MAP3K6: variants seen among roughly 807,000 people sequenced by gnomAD.
MAP3K6 encodes mitogen-activated protein kinase kinase kinase 6, also known as apoptosis signal-regulating kinase 2.
MAP3K6 carries 105 observed loss-of-function variants against 147.1 expected under a neutral mutation model. The observed-to-expected ratio is 0.71, with a 90% CI of 0.61 to 0.84. The LOEUF is 0.84. Ranked by LOEUF, MAP3K6 falls within the 40% of genes least tolerant of loss-of-function variation. The pLI, the probability that MAP3K6 is intolerant of heterozygous loss-of-function variation, is 0.00. For synonymous variants in MAP3K6, 695 were observed against 732.4 expected, an observed-to-expected ratio of 0.95 and a Z score of 0.82; for missense variants, 1,569 against 1,715.0, an observed-to-expected ratio of 0.91 and a Z score of 1.50.
chr1:27,357,230 GTCC>G (rs2015562138), intron 23 of MAP3K6, 116 bp from the exon 24 acceptor site: 10 of 1,264,444 alleles, frequency 7.9e-6, no homozygotes, highest in Middle Eastern at 3.9e-4. Flanking sequence ...CGGGCTTGAG[GTCC>G]AGGGAAGGCC....
At chr1:27,363,591 GC>G in intron 5 of MAP3K6, 43 bp from the exon 6 acceptor site, 1 of 1,481,654 alleles carries the variant, frequency 6.7e-7, no homozygotes, top group Non-Finnish European at 9.2e-7. Context: ...GGGCCTCCAG[GC>G]CCCAAGGAAC....
chr1:27,357,265 A>G, intron 23 of MAP3K6, 135 bp downstream of exon 23: 1 of 1,341,710 alleles, frequency 7.5e-7, no homozygotes, highest in Non-Finnish European at 1.0e-6. Flanking sequence ...GACTGGGCAG[A>G]CGGTTTTTTG....
chr1:27,362,938 A>T lies in MAP3K6; in HGVS notation c.1055T>A (p.Leu352Gln). Residue 352 changes from leucine (L) to glutamine (Q), a missense_variant, in exon 7 of 29, where the codon CTG becomes CAG. Physicochemically the swap from Leu to Gln is moderately radical, Grantham distance 113. Coordinates refer to ENST00000357582, the MANE Select transcript of MAP3K6 (RefSeq NM_004672.5). ...VQLEGSVAPD[L>Q]YCMCGRIYKD... Reference sequence around the variant, plus strand: ...GTAGATACGGCCACACATGCAGTACAGATCGGGCGCCACAGAGCCCTCAAG... The same window carrying T: ...GTAGATACGGCCACACATGCAGTACTGATCGGGCGCCACAGAGCCCTCAAG... 6.2e-7 allele frequency: 1 copy of T among 1,614,110 alleles called. No homozygotes were observed. The highest frequency in any genetic ancestry group is 1.7e-5 in the Admixed American group (1 of 60,018).
In MAP3K6 at chr1:27,355,304, C is replaced by T. The variant is rs2015478538; in HGVS notation, c.*87G>A. 2 of 1,303,772 alleles carry T rather than the reference C, an allele frequency of 1.5e-6. No individual in the cohort carries two copies. The highest frequency in any genetic ancestry group is 2.2e-6 in the Non-Finnish European group (2 of 897,202). 80.8% of individuals were successfully genotyped at this position (1,303,772 alleles called of 1,614,324 possible). ...TGGCTTCCTCCAGTCGCCCCAGGTC[C>T]TGGGGCTGGTGTGTCAGAAGCTGCC... On this transcript the variant is annotated 3_prime_UTR_variant, in exon 29 of 29. Coordinates refer to ENST00000357582, the MANE Select transcript of MAP3K6 (RefSeq NM_004672.5).
chr1:27,360,163 T>TA lies in MAP3K6; in HGVS notation c.2182+77dup, dbSNP rs2015692591. ...ACACGCACTAGGGTGCATTTCCCCC[T>TA]AGGGCTCTCTACCCCTGCCTGCCTC... On this transcript the variant is annotated intron_variant, in intron 16 of 28. Transcript: ENST00000357582. The surrounding 1 kb of genome is among the most constrained non-coding windows in gnomAD (Gnocchi z 4.5). 16 of 1,593,698 alleles carry TA rather than the reference T, an allele frequency of 1.0e-5. No homozygotes were observed. Among genetic ancestry groups the TA allele is most frequent in the Non-Finnish European group, 1.4e-5 (16 of 1,168,084 alleles).
rs1312784911 is a variant in MAP3K6, at chr1:27,361,214, G to A, written c.1775C>T (p.Ala592Val). 1 of 1,613,216 alleles carries A rather than the reference G, an allele frequency of 6.2e-7. No homozygotes were observed. The highest frequency in any genetic ancestry group is 1.3e-5 in the African/African-American group (1 of 75,064). Residue 592 changes from alanine (A) to valine (V), a missense_variant, in exon 13 of 29, where the codon GCA becomes GTA. Physicochemically the swap from Ala to Val is moderately conservative, Grantham distance 64. Transcript: ENST00000357582. ...CTGGACGTCCTGAGCCGGGGGGAGT[G>A]CATAGAGGAAGCAGCAGCGCTCGTC... is the stretch of plus-strand genomic sequence containing the variant. ...KRDERCCFLY[A>V]LPPAQDVQLC...
chr1:27,355,486 C>T lies in MAP3K6; in HGVS notation c.3789-17G>A. 1.2e-6 allele frequency: 2 copies of T among 1,613,402 alleles called. No individual in the cohort carries two copies. Among genetic ancestry groups the T allele is most frequent in the African/African-American group, 1.3e-5 (1 of 75,048 alleles). The stretch of plus-strand genomic sequence containing the variant: ...ATCCCTCCCCTGGGGGTAATGGACT[C>T]AGTGTGGCTCAGCCAGAAGGTGGCC... On this transcript the variant is annotated splice_polypyrimidine_tract_variant and intron_variant, in intron 28 of 28. Coordinates refer to ENST00000357582, the MANE Select transcript of MAP3K6 (RefSeq NM_004672.5).
Position 27,356,673 on chromosome 1 carries a change from C to T in MAP3K6, c.3441G>A (p.Gln1147=). The T allele has an allele frequency of 6.2e-7, 1 of 1,610,650 alleles. No individual in the cohort carries two copies. Among genetic ancestry groups the T allele is most frequent in the Non-Finnish European group, 8.5e-7 (1 of 1,178,354 alleles). The change falls in exon 25 of 29, where the codon CAG becomes CAA. Residue 1147 remains glutamine (Q), a synonymous_variant. Transcript: ENST00000357582. ...CGGGCTCCACCGGAAGCGGGCTCTG[C>T]TGGCCTGGGCTCTGCTGGGAGTCCC... ...NEGDSQQSPG[Q]QSPLPVEPEQ... is the part of the protein sequence containing the mutation.
chr1:27,361,758 G>A lies in MAP3K6; in HGVS notation c.1525C>T (p.Leu509=). ...GTCTTGAATGGTTGGCAGGACTGTA[G>A]CAAGAAGTGGAGCCAGAAGTGGGCA... The part of the protein sequence containing the change: ...RRAHFWLHFL[L]QSCQPFKTAC... Residue 509 remains leucine (L), a synonymous_variant, in exon 10 of 29, where the codon CTA becomes TTA. Coordinates refer to ENST00000357582, the MANE Select transcript of MAP3K6 (RefSeq NM_004672.5). 6.2e-7 allele frequency: 1 copy of A among 1,613,298 alleles called. No homozygotes were observed. The highest frequency in any genetic ancestry group is 8.5e-7 in the Non-Finnish European group (1 of 1,179,640).
In MAP3K6 at chr1:27,366,442, G is replaced by C; in HGVS notation, c.156C>G (p.Thr52=). Reference sequence around the variant, plus strand: ...GCTCGAGCCCGGGCTGCGGCTCCCGGGTCAGCACGTAGACCACGCTGAGCG... The same window carrying C: ...GCTCGAGCCCGGGCTGCGGCTCCCGCGTCAGCACGTAGACCACGCTGAGCG... ...SRPLSVVYVL[T]REPQPGLEPR... Residue 52 remains threonine, a synonymous_variant, in exon 1 of 29, where the codon ACC becomes ACG. Transcript: ENST00000357582. The surrounding 1 kb of genome is among the most constrained non-coding windows in gnomAD (Gnocchi z 5.5). 9.1e-6 allele frequency: 11 copies of C among 1,214,992 alleles called. No homozygotes were observed. The highest frequency in any genetic ancestry group is 1.0e-5 in the Non-Finnish European group (10 of 977,074). The allele number at this position is 1,214,992 out of a possible 1,614,324, so 75.3% of individuals were successfully genotyped here.
Position 27,360,404 on chromosome 1 carries a change from G to A in MAP3K6, c.2055-36C>T. ...GTAAGGGAGAGAGGAAAGGGACCGA[G>A]GTGGGCAGAGAAGCCCCGCCCATCC... On this transcript the variant is annotated intron_variant, in intron 15 of 28. Coordinates refer to ENST00000357582, the MANE Select transcript of MAP3K6 (RefSeq NM_004672.5). This position sits in a 1 kb window ranked among gnomAD's most constrained non-coding sequence, Gnocchi z 4.5. 1.3e-6 allele frequency: 2 copies of A among 1,599,610 alleles called. No individual in the cohort carries two copies. Among genetic ancestry groups the A allele is most frequent in the Non-Finnish European group, 1.7e-6 (2 of 1,171,770 alleles).
chr1:27,356,923 G>A (rs995937195), intron 24 of MAP3K6, 86 bp downstream of exon 24: 3 of 1,460,910 alleles, frequency 2.1e-6, no homozygotes, highest in African/African-American at 2.8e-5. Flanking sequence ...GTCCCGCCTG[G>A]CCCCCACCGG....
chr1:27,357,665 C>T (rs1238681737), intron 22 of MAP3K6, 46 bp downstream of exon 22: 7 of 1,602,130 alleles, frequency 4.4e-6, no homozygotes, highest in African/African-American at 4.0e-5. Context: ...CAACAGGTGT[C>T]CTGACCCTTT....
Position 27,360,093 on chromosome 1 carries a change from C to G in MAP3K6, c.2183-99G>C. 2 of 1,583,518 alleles carry G rather than the reference C, an allele frequency of 1.3e-6. No individual in the cohort carries two copies. Among genetic ancestry groups the G allele is most frequent in the Non-Finnish European group, 1.7e-6 (2 of 1,160,164 alleles). ...ACACACCCATGTTGTAGCCCAACTC[C>G]ATCACCCAGCGCCACTCCTCAGCTA... is the stretch of plus-strand genomic sequence containing the variant. On this transcript the variant is annotated intron_variant, in intron 16 of 28. Transcript: ENST00000357582. The surrounding 1 kb of genome is among the most constrained non-coding windows in gnomAD (Gnocchi z 4.5).
rs765756520 is a variant in MAP3K6 at position 27,360,318 on chromosome 1, T to C, written c.2105A>G (p.His702Arg). 2.5e-6 allele frequency: 4 copies of C among 1,614,062 alleles called. No individual in the cohort carries two copies. The Admixed American group carries it at 6.7e-5, about 27-fold the overall frequency. The change falls in exon 16 of 29, where the codon CAC (histidine) becomes CGC (arginine). Residue 702 changes from histidine to arginine, a missense_variant. Transcript: ENST00000357582. This position sits in a 1 kb window ranked among gnomAD's most constrained non-coding sequence, Gnocchi z 4.5. The part of the protein sequence containing the change: ...EEIALHRRLR[H>R]KNIVRYLGSA... ...GCCCAGATAGCGCACTATGTTCTTG[T>C]GGCGCAGGCGTCTGTGAAGAGCGAT...
rs1413430245 is a variant in MAP3K6, at chr1:27,358,100, T to C, written c.2915+81A>G. The stretch of plus-strand genomic sequence containing the variant: ...TTCACAAGTGGTCAAGGTGCCCAGG[T>C]CCCCAGGGAGGGCTTTTGTAGGAGA... On this transcript the variant is annotated intron_variant, in intron 21 of 28. Transcript: ENST00000357582. The surrounding 1 kb of genome is among the most constrained non-coding windows in gnomAD (Gnocchi z 6.2). 1 of 1,517,974 alleles carries C rather than the reference T, an allele frequency of 6.6e-7. No individual in the cohort carries two copies. The highest frequency in any genetic ancestry group is 1.4e-5 in the African/African-American group (1 of 71,392). The allele number at this position is 1,517,974 out of a possible 1,614,324, so 94.0% of individuals were successfully genotyped here.
chr1:27,355,595 G>T (rs1303812217), intron 28 of MAP3K6, 74 bp downstream of exon 28: 10 of 1,591,598 alleles, frequency 6.3e-6, no homozygotes, highest in Non-Finnish European at 7.7e-6. Flanking sequence ...TTCCAGGAAG[G>T]AACCTAGGCA....
chr1:27,356,976 G>T (rs377042175), intron 24 of MAP3K6, 33 bp downstream of exon 24: 49 of 1,595,152 alleles, frequency 3.1e-5, no homozygotes, highest in Non-Finnish European at 4.0e-5. Flanking sequence ...CCACACCCTC[G>T]CTGGCAGGAG....
Position 27,361,855 on chromosome 1 carries a change from G to C in MAP3K6, c.1428C>G (p.Ser476=), listed in dbSNP as rs369160013. Residue 476 remains serine, a synonymous_variant, in exon 10 of 29, where the codon TCC becomes TCG. Transcript: ENST00000357582. ...KLNAPIWYLV[S]VMETFLLYQH... ...GGTAGAGCAGGAAGGTCTCCATCACGGACACCAGGTACCTGCATGCAAAGC... is the reference window on the plus strand; with the variant it reads ...GGTAGAGCAGGAAGGTCTCCATCACCGACACCAGGTACCTGCATGCAAAGC... 2 of 1,559,616 alleles carry C rather than the reference G, an allele frequency of 1.3e-6. No individual in the cohort carries two copies. The highest frequency in any genetic ancestry group is 1.7e-6 in the Non-Finnish European group (2 of 1,151,014).
Sources: gnomAD v4.1 joint callset for allele counts on GRCh38, gnomAD v4.1.1 for gene constraint, Gnocchi (gnomAD v3.1) non-coding constraint, MANE v1.5 for transcripts, NCBI Gene and HGNC (gene_info 2026-07-23, HGNC 2026-07-21) for gene names.